Variants in ECT2L observed in about 807,000 individuals in gnomAD.
ECT2L encodes the protein epithelial cell transforming 2 like, also known as epithelial cell-transforming sequence 2 oncogene-like.
In ECT2L, 126 loss-of-function variants were observed where a neutral mutation model predicts 122.8. That is an observed-to-expected ratio of 1.03 (90% confidence interval 0.89 to 1.19). The LOEUF is 1.19. ECT2L is among the 50% of genes most tolerant of loss of function. The pLI is 0.00. For synonymous variants in ECT2L, 385 were observed against 381.8 expected (o/e 1.01, Z -0.10); for missense variants, 1,012 against 1,064.1 (o/e 0.95, Z 0.68).
intron 4 of ECT2L, among the ~76,000 whole-genome samples, chr6:138,827,544 C>T (rs760482414): frequency 6.6e-6 from 1 of 150,790 alleles, no homozygotes; most frequent in Non-Finnish European, 1.5e-5. Flanking sequence ...ACCCTTTATA[C>T]CCTGGGTTAT....
intron 20 of ECT2L, among the ~76,000 whole-genome samples, chr6:138,889,548 G>C (rs1028491170): frequency 3.9e-5 from 6 of 152,138 alleles, no homozygotes; most frequent in Non-Finnish European, 7.4e-5. Context: ...TCAAACTCTT[G>C]ATCTCCAGTG....
At chr6:138,826,507 C>T (rs1298136946) in intron 4 of ECT2L, among the ~76,000 whole-genome samples, 1 of 151,956 alleles carries the variant, frequency 6.6e-6, no homozygotes, top group Admixed American at 6.6e-5. Context: ...GAAACCTTGA[C>T]TCTACTAAAA....
intron 9 of ECT2L, among the ~76,000 whole-genome samples, chr6:138,850,248 G>A (rs185884176): frequency 7.2e-5 from 11 of 152,104 alleles, no homozygotes; most frequent in South Asian, 2.1e-4. Flanking sequence ...GGGTTCAAGC[G>A]ATTCTCCTGC....
chr6:138,808,230 T>C (rs1775775263), intron 1 of ECT2L, among the ~76,000 whole-genome samples: 1 of 152,188 alleles, frequency 6.6e-6, no homozygotes, highest in African/African-American at 2.4e-5. Flanking sequence ...TTGATTTATA[T>C]TGGATTTTAT....
chr6:138,890,490 A>ATTTTTTTTTTTTTTT (rs1562495167), intron 20 of ECT2L, among the ~76,000 whole-genome samples: 1 of 50,194 alleles, frequency 2.0e-5, no homozygotes, highest in South Asian at 1.5e-3. Context: ...GTTTTCTTTG[A>ATTTTTTTTTTTTTTT]TCTTTTTTTT....
At chr6:138,803,659 G>C (rs1301136748) in intron 1 of ECT2L, among the ~76,000 whole-genome samples, 1 of 152,156 alleles carries the variant, frequency 6.6e-6, no homozygotes, top group African/African-American at 2.4e-5. Context: ...ACACATTACT[G>C]TCTGGCTTTA....
intron 5 of ECT2L, among the ~76,000 whole-genome samples, chr6:138,840,630 T>C (rs1562467568): frequency 6.6e-6 from 1 of 152,140 alleles, no homozygotes; most frequent in Non-Finnish European, 1.5e-5. Context: ...TTTTTTTTTC[T>C]TGAGAAGTCA....
chr6:138,807,111 G>C (rs1190708195), intron 1 of ECT2L, among the ~76,000 whole-genome samples: 2 of 142,196 alleles, frequency 1.4e-5, no homozygotes, highest in East Asian at 4.6e-4. Flanking sequence ...GCTGTCCCAG[G>C]GGTATTTTTT....
At chr6:138,836,115 T>C (rs1043004465) in intron 4 of ECT2L, among the ~76,000 whole-genome samples, 48 of 152,162 alleles carry the variant, frequency 3.2e-4, no homozygotes, top group Non-Finnish European at 4.9e-4. Context: ...ATTTGTCCCA[T>C]AGCTGGAGAT....
At chr6:138,890,671 A>G (rs1333735363) in intron 20 of ECT2L, among the ~76,000 whole-genome samples, 1 of 151,222 alleles carries the variant, frequency 6.6e-6, no homozygotes, top group Non-Finnish European at 1.5e-5. Context: ...TCCTTCTCAA[A>G]CACTCTTCCT....
At chr6:138,832,693 A>G (rs1242424384) in intron 4 of ECT2L, among the ~76,000 whole-genome samples, 1 of 151,852 alleles carries the variant, frequency 6.6e-6, no homozygotes. Flanking sequence ...ACTGGGCCCA[A>G]TTCTTCTGTG....
chr6:138,889,413 G>T (rs1324931728), intron 20 of ECT2L, among the ~76,000 whole-genome samples: 1 of 151,590 alleles, frequency 6.6e-6, no homozygotes, highest in Non-Finnish European at 1.5e-5. Flanking sequence ...AGCAACCTCC[G>T]CCTCCAAGCT....
At chr6:138,865,501 T>C (rs1207891412) in intron 12 of ECT2L, among the ~76,000 whole-genome samples, 1 of 152,244 alleles carries the variant, frequency 6.6e-6, no homozygotes, top group Non-Finnish European at 1.5e-5. Flanking sequence ...TAGAATTTGC[T>C]CTGAAAGTTA....
chr6:138,824,575 C>A (rs12216466), intron 4 of ECT2L, among the ~76,000 whole-genome samples: 54 of 130,040 alleles, frequency 4.2e-4, no homozygotes, highest in Middle Eastern at 4.4e-3. Flanking sequence ...AAACAAAAAA[C>A]AAAAACAAAA....
chr6:138,902,683 T>C lies in ECT2L; in HGVS notation c.*56T>C, dbSNP rs1029345363. On this transcript the variant is annotated 3_prime_UTR_variant, in exon 22 of 22. Coordinates refer to ENST00000541398, the MANE Select transcript of ECT2L (RefSeq NM_001077706.3). ...TTCTCCCCAGCAAAGACAGACAACA[T>C]GTATTTTCTGTTCCAAAATATCCAG... The C allele has an allele frequency of 5.0e-6, 8 of 1,595,210 alleles. No homozygotes were observed. In the African/African-American group the frequency reaches 5.4e-5, roughly 11 times the overall value.
chr6:138,822,540 G>A (rs1419517148), intron 4 of ECT2L, among the ~76,000 whole-genome samples: 2 of 151,260 alleles, frequency 1.3e-5, no homozygotes. Flanking sequence ...GGGCAACAGA[G>A]CCAGAGACCC....
chr6:138,832,677 A>G (rs1776686834), intron 4 of ECT2L, among the ~76,000 whole-genome samples: 5 of 152,060 alleles, frequency 3.3e-5, no homozygotes, highest in Admixed American at 3.3e-4. Flanking sequence ...AGCACTACTC[A>G]TCAAGACTGG....
chr6:138,859,327 T>C (rs76438989), intron 10 of ECT2L, among the ~76,000 whole-genome samples: 2,111 of 152,352 alleles, frequency 0.014, 31 homozygotes, highest in Admixed American at 0.046. Flanking sequence ...AAATTTGAGT[T>C]CTTCCTGGTT....
In ECT2L at chr6:138,847,354, A is replaced by ATTTTTTTTT. The variant is rs1562471985; in HGVS notation, c.903+677_903+678insTTTTTTTTT. Among the ~76,000 whole-genome samples the ATTTTTTTTT allele has an allele frequency of 7.7e-4, 86 of 111,054 alleles. 4 individuals are homozygous for ATTTTTTTTT. The highest frequency in any genetic ancestry group is 3.4e-3 in the African/African-American group (84 of 24,936). 72.9% of individuals were successfully genotyped at this position (111,054 alleles called of 152,430 possible). A position where few individuals can be genotyped will look rare whatever the true frequency, so the allele number is the denominator to read the frequency against. ...TTTTGAAAAAGCATTAAAGGCCCAA[A>ATTTTTTTTT]CTTTTTTTTTTTTTTTTTTTTTTTT... On this transcript the variant is annotated intron_variant, in intron 8 of 21. Coordinates refer to ENST00000541398, the MANE Select transcript of ECT2L (RefSeq NM_001077706.3).
Sources: gnomAD v4.1 joint callset for allele counts (sites outside exome capture counted in the v4.1 genomes callset) on GRCh38, gnomAD v4.1.1 for gene constraint, MANE v1.5 for transcripts, NCBI Gene and HGNC (gene_info 2026-07-23, HGNC 2026-07-21) for gene names.